Variants in NELL2 observed in about 807,000 individuals in gnomAD.
The protein encoded by NELL2 is protein kinase C-binding protein NELL2.
In NELL2, 41 loss-of-function variants were observed where a neutral mutation model predicts 109.6. The observed-to-expected ratio is 0.37, with a 90% CI of 0.29 to 0.49. NELL2 has a LOEUF of 0.49. Among genes scored for constraint, NELL2 ranks in the 20% least tolerant of loss-of-function variants. NELL2 has a pLI of 0.98. For synonymous variants in NELL2, 355 were observed against 344.7 expected (o/e 1.03, Z -0.33); for missense variants, 900 against 1,008.3 (o/e 0.89, Z 1.45).
chr12:44,870,083 G>C (rs1805295774), intron 2 of NELL2, among the ~76,000 whole-genome samples: 1 of 152,092 alleles, frequency 6.6e-6, no homozygotes, highest in Admixed American at 6.6e-5. Context: ...TGTGTAAGAA[G>C]GGTCCCCTTT....
At chr12:44,916,296 A>G (rs1283596296), upstream of NELL2, among the ~76,000 whole-genome samples, 1 of 152,212 alleles carries the variant, frequency 6.6e-6, no homozygotes, top group Non-Finnish European at 1.5e-5. Context: ...GGCAAAGAAA[A>G]TAGTTTAAAG....
upstream of NELL2, chr12:44,876,660 G>A (rs745476384): frequency 1.7e-5 from 27 of 1,551,214 alleles, no homozygotes; most frequent in Non-Finnish European, 2.4e-5. Context: ...AGACCACCCA[G>A]CTGCAGGAGG....
chr12:44,746,551 T>C (rs1173499916), intron 9 of NELL2, among the ~76,000 whole-genome samples: 1 of 152,224 alleles, frequency 6.6e-6, no homozygotes, highest in Non-Finnish European at 1.5e-5. Context: ...CCTACTCATC[T>C]GACAAAGGGC....
chr12:44,707,874 T>C (rs1005398842), intron 11 of NELL2, among the ~76,000 whole-genome samples: 2 of 152,172 alleles, frequency 1.3e-5, no homozygotes, highest in Non-Finnish European at 2.9e-5. Flanking sequence ...AATTGAATAA[T>C]ATGGGAAACT....
intron 12 of NELL2, among the ~76,000 whole-genome samples, chr12:44,682,867 T>G (rs933607413): frequency 6.6e-6 from 1 of 152,230 alleles, no homozygotes; most frequent in African/African-American, 2.4e-5. Flanking sequence ...CCTCCAGCTT[T>G]GTTCTTTTGG....
chr12:44,541,250 C>CAAAA (rs3071951), intron 15 of NELL2, among the ~76,000 whole-genome samples: 11 of 78,860 alleles, frequency 1.4e-4, no homozygotes, highest in East Asian at 7.5e-4. Flanking sequence ...GACTCCATCT[C>CAAAA]AAAAAAAAAA....
At chr12:44,595,593 ATTTTTTTT>A (rs57566164) in intron 15 of NELL2, among the ~76,000 whole-genome samples, 13 of 121,314 alleles carry the variant, frequency 1.1e-4, no homozygotes, top group East Asian at 4.8e-4. Context: ...CACCCAGCTA[ATTTTTTTT>A]TTTTTTTTTT....
At chr12:44,840,356 G>A (rs1486052550) in intron 2 of NELL2, among the ~76,000 whole-genome samples, 1 of 152,028 alleles carries the variant, frequency 6.6e-6, no homozygotes, top group African/African-American at 2.4e-5. Context: ...CTTTCTAAAG[G>A]GCCACTATAA....
chr12:44,832,401 G>A (rs907038584), intron 2 of NELL2, among the ~76,000 whole-genome samples: 1 of 152,224 alleles, frequency 6.6e-6, no homozygotes, highest in African/African-American at 2.4e-5. Flanking sequence ...CATCACTGGT[G>A]TTGATATGCA....
intron 2 of NELL2, among the ~76,000 whole-genome samples, chr12:44,833,969 T>C (rs1456563961): frequency 6.6e-6 from 1 of 152,216 alleles, no homozygotes; most frequent in South Asian, 2.1e-4. Context: ...TGAATGCTAG[T>C]CTAAGTTACG....
intron 16 of NELL2, among the ~76,000 whole-genome samples, chr12:44,527,843 C>T (rs1941854804): frequency 6.6e-6 from 1 of 151,948 alleles, no homozygotes; most frequent in Admixed American, 6.6e-5. Flanking sequence ...CCTGTAATCC[C>T]AGCACTTTGG....
At chr12:44,854,125 T>G (rs901361940) in intron 2 of NELL2, among the ~76,000 whole-genome samples, 6 of 152,284 alleles carry the variant, frequency 3.9e-5, no homozygotes, top group African/African-American at 1.4e-4. Flanking sequence ...CTTAACCTAT[T>G]TGGCATTTTT....
chr12:44,583,753 T>C (rs1385663199), intron 15 of NELL2, among the ~76,000 whole-genome samples: 1 of 152,188 alleles, frequency 6.6e-6, no homozygotes, highest in Non-Finnish European at 1.5e-5. Flanking sequence ...CCATCATGGC[T>C]CAAATACACT....
At chr12:44,519,454 T>C (rs146180851) in intron 19 of NELL2, among the ~76,000 whole-genome samples, 1 of 152,218 alleles carries the variant, frequency 6.6e-6, no homozygotes, top group African/African-American at 2.4e-5. Flanking sequence ...AGCTTTGTAA[T>C]GGTTTTTCTC....
intron 15 of NELL2, among the ~76,000 whole-genome samples, chr12:44,545,712 T>C (rs1338900435): frequency 6.6e-6 from 1 of 152,122 alleles, no homozygotes. Flanking sequence ...ATTTATTTAC[T>C]ACATTGTGAT....
At chr12:44,689,706 G>C (rs184840384) in intron 12 of NELL2, among the ~76,000 whole-genome samples, 1 of 152,310 alleles carries the variant, frequency 6.6e-6, no homozygotes, top group Admixed American at 6.5e-5. Flanking sequence ...GCTCTTCAGA[G>C]TAAATTTGGC....
intron 1 of NELL2, among the ~76,000 whole-genome samples, chr12:44,906,872 T>C (rs1945724769): frequency 6.6e-6 from 1 of 152,060 alleles, no homozygotes; most frequent in Non-Finnish European, 1.5e-5. Context: ...CTCATAAGTA[T>C]GTAGATGTCT....
At chr12:44,849,250 C>T (rs968837963) in intron 2 of NELL2, among the ~76,000 whole-genome samples, 1 of 150,836 alleles carries the variant, frequency 6.6e-6, no homozygotes, top group Admixed American at 6.6e-5. Flanking sequence ...AGAAAATAGA[C>T]AAGCCACAAA....
chr12:44,752,056 G>A (rs150408798), intron 9 of NELL2, among the ~76,000 whole-genome samples: 377 of 152,238 alleles, frequency 2.5e-3, no homozygotes, highest in African/African-American at 8.5e-3. Flanking sequence ...CATGCAGCCC[G>A]TGGGCCACAG....
Sources: allele counts gnomAD v4.1 joint callset (sites outside exome capture counted in the v4.1 genomes callset), GRCh38; gene constraint gnomAD v4.1.1; transcripts MANE v1.5; gene names NCBI Gene and HGNC (gene_info 2026-07-23, HGNC 2026-07-21).